Variants in UGT2A1 observed in about 807,000 individuals in gnomAD.
UGT2A1 encodes the protein UDP glucuronosyltransferase family 2 member A1 complex locus.
A neutral mutation model predicts 45.4 loss-of-function variants in UGT2A1; 61 were observed. The observed-to-expected ratio is 1.34, with a 90% CI of 1.09 to 1.66. The LOEUF (loss-of-function observed/expected upper bound fraction) is 1.66, where lower values mean the gene tolerates loss of function less well. UGT2A1 is among the 40% of genes most tolerant of loss of function. The pLI, the probability that UGT2A1 is intolerant of heterozygous loss-of-function variation, is 0.00. For missense variants in UGT2A1, 649 were observed against 574.3 expected (o/e 1.13, Z -1.33); for synonymous variants, 229 against 196.2 (o/e 1.17, Z -1.40).
chr4:69,629,671 A>G (rs1308302426), intron 3 of UGT2A1, among the ~76,000 whole-genome samples: 1 of 152,082 alleles, frequency 6.6e-6, no homozygotes, highest in African/African-American at 2.4e-5. Context: ...TAGGAATATT[A>G]AATAAATCCT....
At chr4:69,590,638 A>AGT (rs4148321) in intron 6 of UGT2A1, among the ~76,000 whole-genome samples, 28,970 of 150,146 alleles carry the variant, frequency 0.19, 2,996 homozygotes, top group Non-Finnish European at 0.24. Context: ...ACATGTGTTG[A>AGT]GTGTGTGTGT....
At chr4:69,595,611 C>G in intron 4 of UGT2A1, among the ~76,000 whole-genome samples, 1 of 151,792 alleles carries the variant, frequency 6.6e-6, no homozygotes, top group African/African-American at 2.4e-5. Flanking sequence ...TATAAAGAGT[C>G]CTAGGATGTG....
At chr4:69,610,887 C>A (rs567932374) in intron 3 of UGT2A1, among the ~76,000 whole-genome samples, 1 of 152,286 alleles carries the variant, frequency 6.6e-6, no homozygotes, top group South Asian at 2.1e-4. Flanking sequence ...CTACACACCA[C>A]TGGTTAGGAA....
In UGT2A1 at chr4:69,594,501, A is replaced by ATT. The variant is rs763051792; in HGVS notation, c.1279_1280insAA (p.Leu427Ter). 6.8e-6 allele frequency: 11 copies of ATT among 1,614,072 alleles called. No homozygotes were observed. Among genetic ancestry groups the ATT allele is most frequent in the Admixed American group, 1.7e-5 (1 of 59,996 alleles). The stretch of plus-strand genomic sequence containing the variant: ...CGAAGGTTCATTAATGACTGTTCTC[A>ATT]AAGCGCTAAGCAAATCCACACTTGT... ...TMTSVDLLSA[L>*]RTVINEPSYK... is the part of the protein sequence containing the mutation. The change falls in exon 6 of 7, where the codon TTG becomes TAATG. Residue 427 changes from leucine (L) to a stop codon, truncating the protein, a stop_gained and frameshift_variant. Coordinates refer to ENST00000286604, the MANE Select transcript of UGT2A1 (RefSeq NM_001252275.3). LOFTEE classifies it high-confidence loss of function.
At chr4:69,602,279 A>G (rs1463739188) in intron 3 of UGT2A1, among the ~76,000 whole-genome samples, 2 of 137,154 alleles carry the variant, frequency 1.5e-5, no homozygotes, top group African/African-American at 5.9e-5. Flanking sequence ...ATTTCTTTAC[A>G]CCAACAAAGG....
chr4:69,643,647 T>C (rs1170330816), intron 2 of UGT2A1, among the ~76,000 whole-genome samples: 1 of 151,566 alleles, frequency 6.6e-6, no homozygotes, highest in Non-Finnish European at 1.5e-5. Flanking sequence ...AAATGAGTAA[T>C]TTTACATTAT....
At chr4:69,637,327 G>T (rs1490959506) in intron 2 of UGT2A1, among the ~76,000 whole-genome samples, 1 of 151,946 alleles carries the variant, frequency 6.6e-6, no homozygotes, top group African/African-American at 2.4e-5. Context: ...CAAATTCTAA[G>T]AAAAAGTTGA....
chr4:69,622,923 T>A (rs1311484267), intron 3 of UGT2A1, among the ~76,000 whole-genome samples: 1 of 151,820 alleles, frequency 6.6e-6, no homozygotes, highest in Non-Finnish European at 1.5e-5. Flanking sequence ...AACAATTAGG[T>A]CTTGGCTATA....
At chr4:69,641,749 A>G (rs968218845) in intron 2 of UGT2A1, among the ~76,000 whole-genome samples, 1 of 151,880 alleles carries the variant, frequency 6.6e-6, no homozygotes, top group Non-Finnish European at 1.5e-5. Flanking sequence ...TAGGCAAGTT[A>G]CTTAGCCTCC....
chr4:69,647,735 C>T, intron 1 of UGT2A1, 37 bp from the exon 2 acceptor site: 1 of 954,802 alleles, frequency 1.0e-6, no homozygotes, highest in Non-Finnish European at 1.5e-6. Flanking sequence ...AATTATTTCT[C>T]AATTTTGAGG....
chr4:69,624,767 C>A (rs975571957), intron 3 of UGT2A1, among the ~76,000 whole-genome samples: 3 of 151,332 alleles, frequency 2.0e-5, no homozygotes, highest in African/African-American at 7.3e-5. Context: ...TGTATTACAA[C>A]TTCACAATAC....
intron 2 of UGT2A1, 148 bp downstream of exon 2, chr4:69,646,782 T>C (rs184213574): frequency 3.2e-4 from 173 of 541,844 alleles, no homozygotes; most frequent in African/African-American, 3.2e-3. Flanking sequence ...CAATGTCTTT[T>C]ATCTTCTTTT....
At chr4:69,645,450 G>A (rs1294915736) in intron 2 of UGT2A1, among the ~76,000 whole-genome samples, 1 of 151,756 alleles carries the variant, frequency 6.6e-6, no homozygotes, top group Non-Finnish European at 1.5e-5. Context: ...CAAGGAGACT[G>A]AATTACTTTT....
At chr4:69,653,036 G>A (rs10028495) in intron 1 of UGT2A1, among the ~76,000 whole-genome samples, 152 bp downstream of exon 1, 48,108 of 152,114 alleles carry the variant, frequency 0.32, 7,923 homozygotes, top group African/African-American at 0.37. Context: ...AAATTATAAA[G>A]TAGAACTAAT....
intron 3 of UGT2A1, among the ~76,000 whole-genome samples, chr4:69,615,724 G>A (rs11936130): frequency 0.4 from 59,878 of 151,534 alleles, 12,144 homozygotes; most frequent in African/African-American, 0.48. Flanking sequence ...AAACAAACAA[G>A]CAAACAAACA....
At chr4:69,607,242 C>T (rs1342974409) in intron 3 of UGT2A1, among the ~76,000 whole-genome samples, 15 of 149,282 alleles carry the variant, frequency 1.0e-4, no homozygotes, top group Admixed American at 6.7e-4. Context: ...TGGAACAGAA[C>T]AGAGCCCTCA....
At chr4:69,618,211 G>GTATGTT (rs762836387) in intron 3 of UGT2A1, among the ~76,000 whole-genome samples, 85 of 113,302 alleles carry the variant, frequency 7.5e-4, no homozygotes, top group Non-Finnish European at 1.1e-3. Flanking sequence ...GTGTGTGTGT[G>GTATGTT]TGTGTATGTT....
intron 6 of UGT2A1, among the ~76,000 whole-genome samples, chr4:69,591,183 A>G (rs1363505092): frequency 6.6e-6 from 1 of 152,180 alleles, no homozygotes; most frequent in Non-Finnish European, 1.5e-5. Context: ...TTTGTAGCAA[A>G]ATATGAGTGA....
At chr4:69,625,117 T>A (rs1720968032) in intron 3 of UGT2A1, among the ~76,000 whole-genome samples, 2 of 151,248 alleles carry the variant, frequency 1.3e-5, no homozygotes, top group South Asian at 4.1e-4. Flanking sequence ...TAGGTGTAAT[T>A]GCTGTTTTGT....
Sources: gnomAD v4.1 joint callset for allele counts (sites outside exome capture counted in the v4.1 genomes callset) on GRCh38, gnomAD v4.1.1 for gene constraint, MANE v1.5 for transcripts, NCBI Gene and HGNC (gene_info 2026-07-23, HGNC 2026-07-21) for gene names.